The following BIRC6 variants were observed in gnomAD, a reference collection of about 807,000 sequenced individuals.
BIRC6 encodes the protein dual E2 ubiquitin-conjugating enzyme/E3 ubiquitin-protein ligase BIRC6.
In BIRC6, 98 loss-of-function variants were observed where a neutral mutation model predicts 503.3. The ratio of observed to expected loss-of-function variants is 0.19; its 90% CI spans 0.17 to 0.23. BIRC6 has a LOEUF of 0.23. Ranked by LOEUF, BIRC6 falls within the 10% of genes least tolerant of loss-of-function variation. The pLI is 1.00. For missense variants in BIRC6, 5,360 were observed against 5,806.0 expected, an observed-to-expected ratio of 0.92 and a Z score of 2.50; for synonymous variants, 2,240 against 2,078.7, an observed-to-expected ratio of 1.08 and a Z score of -2.11.
intron 22 of BIRC6, 126 bp downstream of exon 22, chr2:32,449,054 A>G (rs1463669194): frequency 3.7e-6 from 3 of 805,394 alleles, no homozygotes; most frequent in East Asian, 2.8e-5. Flanking sequence ...AGAACTTATC[A>G]TATGAATTAT....
At chr2:32,554,379 A>G (rs1386173868) in intron 65 of BIRC6, among the ~76,000 whole-genome samples, 2 of 152,180 alleles carry the variant, frequency 1.3e-5, no homozygotes, top group African/African-American at 2.4e-5. Flanking sequence ...ATCTAGAGAA[A>G]TGTATTCAGT....
At chr2:32,456,970 G>GAAAAACCC in intron 23 of BIRC6, among the ~76,000 whole-genome samples, 2 of 151,990 alleles carry the variant, frequency 1.3e-5, no homozygotes, top group African/African-American at 4.8e-5. Context: ...TTGCTATGTT[G>GAAAAACCC]CCCAGGCTGG....
chr2:32,446,573 C>T (rs754732752), intron 21 of BIRC6, among the ~76,000 whole-genome samples: 1 of 151,972 alleles, frequency 6.6e-6, no homozygotes, highest in Non-Finnish European at 1.5e-5. Context: ...TGATACCCCT[C>T]GCTTCAATCT....
chr2:32,486,418 T>C (rs2051001256), intron 40 of BIRC6, among the ~76,000 whole-genome samples: 2 of 152,198 alleles, frequency 1.3e-5, no homozygotes, highest in African/African-American at 4.8e-5. Flanking sequence ...GAGCTGGCCA[T>C]CACATTACGG....
At chr2:32,446,186 C>T (rs1209678076) in intron 21 of BIRC6, among the ~76,000 whole-genome samples, 3 of 152,136 alleles carry the variant, frequency 2.0e-5, no homozygotes, top group Non-Finnish European at 4.4e-5. Flanking sequence ...TTGATAAATC[C>T]TTATGATGGT....
rs954123843 is a variant in BIRC6, at chr2:32,525,722, G to A, written c.11920+94G>A. ...CAGTCACCAAAATCATTTTAATCAG[G>A]TGCCATTGATGAGATCAGTGAGTTA... On this transcript the variant is annotated intron_variant, in intron 59 of 73. Transcript: ENST00000421745. 36 of 1,289,086 alleles carry A rather than the reference G, an allele frequency of 2.8e-5. No homozygotes were observed. In the African/African-American group the frequency reaches 4.2e-4, roughly 15 times the overall value. 79.9% of individuals were successfully genotyped at this position (1,289,086 alleles called of 1,614,324 possible).
At chr2:32,455,148 G>A (rs1337946028) in intron 23 of BIRC6, among the ~76,000 whole-genome samples, 1 of 152,034 alleles carries the variant, frequency 6.6e-6, no homozygotes, top group South Asian at 2.1e-4. Context: ...GGAGGCCAAG[G>A]TGGGCGGATC....
At chr2:32,421,410 A>C (rs1346565230) in intron 10 of BIRC6, among the ~76,000 whole-genome samples, 1 of 152,010 alleles carries the variant, frequency 6.6e-6, no homozygotes, top group Admixed American at 6.6e-5. Flanking sequence ...GGCCTTCTTT[A>C]GTTTCTTAAA....
At chr2:32,568,792 C>A (rs990534617) in intron 65 of BIRC6, among the ~76,000 whole-genome samples, 1 of 150,192 alleles carries the variant, frequency 6.7e-6, no homozygotes, top group Non-Finnish European at 1.5e-5. Flanking sequence ...TGCAGTGAGC[C>A]GAGATTATGT....
At chr2:32,407,480 ATAAGT>A (rs1429838754) in intron 9 of BIRC6, among the ~76,000 whole-genome samples, 2 of 151,364 alleles carry the variant, frequency 1.3e-5, no homozygotes, top group Non-Finnish European at 2.9e-5. Flanking sequence ...TTTAGATAAG[ATAAGT>A]TCATATAAAG....
Position 32,600,037 on chromosome 2 carries a change from ATTAGC to A in BIRC6, c.13992+141_13992+145del, listed in dbSNP as rs1457633345. ...TTGTACTTCTCTTCCCTACGTCCAG[ATTAGC>A]TTAAGCAATAGAAGGAACTGAAAAG... On this transcript the variant is annotated intron_variant, in intron 70 of 73. Coordinates refer to ENST00000421745, the MANE Select transcript of BIRC6 (RefSeq NM_016252.4). 9 of 786,122 alleles carry A rather than the reference ATTAGC, an allele frequency of 1.1e-5. No individual in the cohort carries two copies. In the Middle Eastern group the frequency reaches 9.0e-4, roughly 79 times the overall value. 48.7% of individuals were successfully genotyped at this position (786,122 alleles called of 1,614,324 possible).
At chr2:32,387,225 G>A (rs1303803116) in intron 3 of BIRC6, among the ~76,000 whole-genome samples, 1 of 151,968 alleles carries the variant, frequency 6.6e-6, no homozygotes, top group Non-Finnish European at 1.5e-5. Flanking sequence ...TTTCTCAAGG[G>A]GAGTCATCCT....
intron 52 of BIRC6, 68 bp from the exon 53 acceptor site, chr2:32,510,458 T>G (rs1454530643): frequency 1.1e-6 from 1 of 901,966 alleles, no homozygotes; most frequent in African/African-American, 1.7e-5. Flanking sequence ...CTTAATTCAA[T>G]TAAGTAAATC....
chr2:32,455,363 A>G lies in BIRC6; in HGVS notation c.4753+1421A>G, dbSNP rs1449492066. Among the ~76,000 whole-genome samples the G allele has an allele frequency of 2.1e-5, 3 of 144,906 alleles. No individual in the cohort carries two copies. The East Asian group carries it at 6.0e-4, about 29-fold the overall frequency. On this transcript the variant is annotated intron_variant, in intron 23 of 73. Transcript: ENST00000421745. ...CTACTGCATTCCAGCCTGGGCAAAC[A>G]GCAAGACTCTGTCTCCAAAAAAAAA...
chr2:32,420,937 AT>A (rs70938343), intron 10 of BIRC6, among the ~76,000 whole-genome samples: 32,086 of 128,094 alleles, frequency 0.25, 3,875 homozygotes, highest in African/African-American at 0.36. Context: ...TGTTTTATTG[AT>A]TTTTTTTTTT....
intron 65 of BIRC6, among the ~76,000 whole-genome samples, chr2:32,562,311 G>A (rs79619600): frequency 0.025 from 3,845 of 152,198 alleles, 70 homozygotes; most frequent in African/African-American, 0.061. Context: ...CTAAATTGCT[G>A]TTGAGTATTT....
In BIRC6 at chr2:32,414,940, A is replaced by C; in HGVS notation, c.1649A>C (p.Glu550Ala). Residue 550 changes from glutamate (E) to alanine (A), a missense_variant, in exon 10 of 74, where the codon GAA (glutamate) becomes GCA (alanine). This residue lies in a region of BIRC6 where 700 missense variants were observed against 739.3 expected (regional missense o/e 0.95). Transcript: ENST00000421745. ...ANPCLTNSKS[E>A]KTKEKHQEQH... The stretch of plus-strand genomic sequence containing the variant: ...CCTTGTTTAACAAACTCTAAGAGTG[A>C]AAAGACAAAGGAAAAGCACCAGGAG... 1 of 1,613,996 alleles carries C rather than the reference A, an allele frequency of 6.2e-7. No individual in the cohort carries two copies. Among genetic ancestry groups the C allele is most frequent in the Non-Finnish European group, 8.5e-7 (1 of 1,179,880 alleles).
At chr2:32,510,409 G>A in intron 52 of BIRC6, 117 bp from the exon 53 acceptor site, 1 of 689,856 alleles carries the variant, frequency 1.4e-6, no homozygotes, top group Non-Finnish European at 2.5e-6. Flanking sequence ...TTTGTTCTGT[G>A]TTGTTGGAAT....
chr2:32,413,176 ATT>A (rs766213127), intron 9 of BIRC6, among the ~76,000 whole-genome samples: 34 of 122,030 alleles, frequency 2.8e-4, no homozygotes, highest in South Asian at 2.6e-4. Flanking sequence ...TGCCCGGCTA[ATT>A]TTTTTTTTTT....
Sources: gnomAD v4.1 joint callset for allele counts (sites outside exome capture counted in the v4.1 genomes callset) on GRCh38, gnomAD v4.1.1 for gene constraint, gnomAD v4.1.1 regional missense constraint, MANE v1.5 for transcripts, NCBI Gene and HGNC (gene_info 2026-07-23, HGNC 2026-07-21) for gene names.